The following TBCE variants were observed in gnomAD, a reference collection of about 807,000 sequenced individuals.
TBCE encodes the protein tubulin-specific chaperone E.
In TBCE, 53 loss-of-function variants were observed where a neutral mutation model predicts 77.0. That is an observed-to-expected ratio of 0.69 (90% CI 0.55 to 0.87). TBCE has a LOEUF of 0.87. Among genes scored for constraint, TBCE ranks in the 40% least tolerant of loss-of-function variants. The pLI is 0.00. For synonymous variants in TBCE, 235 were observed against 241.3 expected (o/e 0.97, Z 0.24); for missense variants, 624 against 622.4 (o/e 1.00, Z -0.03).
chr1:235,444,197 ACCAT>A (rs2102943333), intron 15 of TBCE, among the ~76,000 whole-genome samples: 1 of 152,286 alleles, frequency 6.6e-6, no homozygotes, highest in Non-Finnish European at 1.5e-5. Flanking sequence ...CTGATTGATA[ACCAT>A]CCATTTAATT....
Position 235,450,492 on chromosome 1 carries a change from G to A in TBCE, c.*1730G>A. 1.1e-6 allele frequency: 1 copy of A among 918,234 alleles called. No homozygotes were observed. Among genetic ancestry groups the A allele is most frequent in the South Asian group, 1.8e-5 (1 of 55,922 alleles). 56.9% of individuals were successfully genotyped at this position (918,234 alleles called of 1,614,324 possible). A position where few individuals can be genotyped will look rare whatever the true frequency, so the allele number is the denominator to read the frequency against. ...TGTGGAACAACTGGTGAGGTTTGGG[G>A]GTGGCACCTCCTGATTTGGGAAAGC... On this transcript the variant is annotated 3_prime_UTR_variant, in exon 17 of 17. Transcript: ENST00000642610.
chr1:235,421,081 T>G (rs1241644415), intron 5 of TBCE, among the ~76,000 whole-genome samples: 1 of 152,224 alleles, frequency 6.6e-6, no homozygotes, highest in African/African-American at 2.4e-5. Context: ...ATTTCTTTTT[T>G]GCCTGTAAGC....
chr1:235,367,661 C>T (rs976321311), intron 1 of TBCE, 157 bp downstream of exon 1: 15 of 152,576 alleles, frequency 9.8e-5, no homozygotes, highest in African/African-American at 3.6e-4. Flanking sequence ...GTCCAGCCGG[C>T]TGGGTTGGGG....
chr1:235,405,019 G>T (rs1221238963), intron 3 of TBCE, among the ~76,000 whole-genome samples: 17 of 149,356 alleles, frequency 1.1e-4, no homozygotes, highest in African/African-American at 4.2e-4. Flanking sequence ...CTGGAGTGCA[G>T]TGGCACAACC....
At position 235,449,211 on chromosome 1, in the gene TBCE, A is replaced by G. The variant is rs1420527458; in HGVS notation, c.*449A>G. 3 of 216,956 alleles carry G rather than the reference A, an allele frequency of 1.4e-5. No individual in the cohort carries two copies. Among genetic ancestry groups the G allele is most frequent in the Admixed American group, 5.3e-5 (1 of 18,894 alleles). The allele number at this position is 216,956 out of a possible 1,614,324, so 13.4% of individuals were successfully genotyped here. ...TAAACTTGGGGAGACATCCTCTACT[A>G]TGTATAACAATATGCTATTATCTGT... On this transcript the variant is annotated 3_prime_UTR_variant, in exon 17 of 17. Transcript: ENST00000642610.
intron 3 of TBCE, among the ~76,000 whole-genome samples, chr1:235,412,520 G>A (rs112363195): frequency 4.1e-4 from 61 of 150,506 alleles, no homozygotes; most frequent in African/African-American, 1.1e-3. Context: ...GTGAGCTACC[G>A]CACCTGATCT....
At chr1:235,424,928 G>A (rs1302551661) in intron 5 of TBCE, among the ~76,000 whole-genome samples, 4 of 152,090 alleles carry the variant, frequency 2.6e-5, no homozygotes, top group Non-Finnish European at 4.4e-5. Flanking sequence ...GGCGTGAGCC[G>A]CCGCGCCTGG....
chr1:235,382,605 A>G (rs991093439), intron 2 of TBCE, among the ~76,000 whole-genome samples: 2 of 151,938 alleles, frequency 1.3e-5, no homozygotes, highest in Non-Finnish European at 2.9e-5. Context: ...TGGCTGCATA[A>G]ATGTCTTCTT....
intron 1 of TBCE, among the ~76,000 whole-genome samples, chr1:235,371,760 C>T (rs1230422814): frequency 6.6e-6 from 1 of 151,956 alleles, no homozygotes; most frequent in African/African-American, 2.4e-5. Flanking sequence ...ACAACCTCCA[C>T]TTCCCGGATT....
At chr1:235,383,287 A>G (rs1286385553) in intron 2 of TBCE, among the ~76,000 whole-genome samples, 3 of 151,996 alleles carry the variant, frequency 2.0e-5, no homozygotes, top group Non-Finnish European at 2.9e-5. Context: ...TAGGATTGAC[A>G]TGGCGATGCG....
chr1:235,436,687 C>G, intron 11 of TBCE, 79 bp downstream of exon 11: 1 of 1,373,756 alleles, frequency 7.3e-7, no homozygotes. Context: ...TTCCTTCTAC[C>G]AAAAAAGTAA....
chr1:235,420,082 C>CA (rs941116799), intron 5 of TBCE, among the ~76,000 whole-genome samples: 46 of 150,926 alleles, frequency 3.0e-4, no homozygotes, highest in Non-Finnish European at 4.0e-4. Context: ...GACTTCATCT[C>CA]AAAAAAAAAG....
At chr1:235,441,957 A>C in intron 14 of TBCE, 75 bp downstream of exon 14, 1 of 1,352,368 alleles carries the variant, frequency 7.4e-7, no homozygotes, top group Non-Finnish European at 1.0e-6. Flanking sequence ...TGTTTCTCTT[A>C]AGTGTGTACC....
At chr1:235,415,847 A>G (rs1050808173) in intron 4 of TBCE, 2 of 152,172 alleles carry the variant, frequency 1.3e-5, no homozygotes, top group Non-Finnish European at 2.9e-5. Flanking sequence ...AAAAAGTATC[A>G]TGATTAATGC....
intron 1 of TBCE, among the ~76,000 whole-genome samples, chr1:235,370,535 G>T (rs779064172): frequency 1.3e-5 from 2 of 149,284 alleles, no homozygotes; most frequent in African/African-American, 2.5e-5. Flanking sequence ...ACAGGCGTGA[G>T]CCACTGCACC....
At chr1:235,426,474 G>A (rs1047835432) in intron 5 of TBCE, among the ~76,000 whole-genome samples, 2 of 152,132 alleles carry the variant, frequency 1.3e-5, no homozygotes, top group Admixed American at 1.3e-4. Context: ...ATGTGCTGGG[G>A]TGAGGCTTGT....
At chr1:235,429,356 T>C (rs1246751630) in intron 6 of TBCE, 2 of 152,176 alleles carry the variant, frequency 1.3e-5, no homozygotes, top group Non-Finnish European at 2.9e-5. Flanking sequence ...TCACATGAGG[T>C]GATTCATGAA....
At chr1:235,391,580 TACC>T (rs1678393819) in intron 2 of TBCE, among the ~76,000 whole-genome samples, 1 of 149,588 alleles carries the variant, frequency 6.7e-6, no homozygotes, top group African/African-American at 2.5e-5. Flanking sequence ...CATGTTACCA[TACC>T]ATATTTGCTT....
intron 4 of TBCE, chr1:235,414,904 T>C (rs1680026416): frequency 5.2e-6 from 2 of 383,352 alleles, no homozygotes; most frequent in Admixed American, 7.5e-5. Flanking sequence ...TAACCAAGGC[T>C]GACGTTTGGG....
Sources: gnomAD v4.1 joint callset for allele counts (sites outside exome capture counted in the v4.1 genomes callset) on GRCh38, gnomAD v4.1.1 for gene constraint, MANE v1.5 for transcripts, NCBI Gene and HGNC (gene_info 2026-07-23, HGNC 2026-07-21) for gene names.